Variants in POU6F1 observed in about 807,000 individuals in gnomAD.
POU6F1 encodes the protein POU domain, class 6, transcription factor 1.
Under a neutral mutation model 28.9 loss-of-function variants are expected in POU6F1, and 9 were observed. The ratio of observed to expected loss-of-function variants is 0.31; its 90% CI spans 0.19 to 0.54. The LOEUF (loss-of-function observed/expected upper bound fraction) is 0.54. POU6F1 is among the 20% of genes least tolerant of loss of function. The probability of loss-of-function intolerance (pLI) is 0.94; values close to 1 mark genes in which losing one functional copy is unlikely to be tolerated. For synonymous variants in POU6F1, 173 were observed against 171.1 expected (o/e 1.01, Z -0.09); for missense variants, 338 against 426.1 (o/e 0.79, Z 1.82).
Position 51,191,679 on chromosome 12 carries a change from G to C in POU6F1, c.1407C>G (p.Leu469=). 6.2e-7 allele frequency: 1 copy of C among 1,614,212 alleles called. No homozygotes were observed. The highest frequency in any genetic ancestry group is 8.5e-7 in the Non-Finnish European group (1 of 1,180,044). The change falls in exon 10 of 11, where the codon CTC becomes CTG. Residue 469 remains leucine (L), a synonymous_variant. Transcript: ENST00000333640. ...CCTGGGTCTGTGTAAGGCCCAGCGA[G>C]AGCCGCCGGATCTTAAAGTTCTTGG... ...EFAKNFKIRR[L]SLGLTQTQVG...
chr12:51,203,611 C>A (rs1402347154), intron 3 of POU6F1, among the ~76,000 whole-genome samples: 1 of 152,178 alleles, frequency 6.6e-6, no homozygotes, highest in East Asian at 1.9e-4. Flanking sequence ...GGAGCTGTTG[C>A]TTTTCGGAAG....
At chr12:51,193,272 T>C (rs1037827708) in intron 8 of POU6F1, among the ~76,000 whole-genome samples, 2 of 152,190 alleles carry the variant, frequency 1.3e-5, no homozygotes, top group Admixed American at 6.5e-5. Context: ...TTAACTACTC[T>C]GATGTCTGAG....
At position 51,196,827 on chromosome 12, in the gene POU6F1, C is replaced by G. The variant is rs1195659989; in HGVS notation, c.947G>C (p.Ser316Thr). ...SAIPSMPGIS[S>T]QILTNAQGQV... is the part of the protein sequence containing the mutation. ...TCCCTGAGCATTGGTGAGGATCTGACTGCTGATCCCTGGCATGCTGGGAAT... is the reference window on the plus strand; with the variant it reads ...TCCCTGAGCATTGGTGAGGATCTGAGTGCTGATCCCTGGCATGCTGGGAAT... Residue 316 changes from serine to threonine, a missense_variant, in exon 7 of 11, where the codon AGT becomes ACT. Ser to Thr is a moderately conservative substitution (Grantham distance 58). Around this residue, in one of 3 missense-constraint regions of POU6F1, gnomAD observed 206 missense variants for 225.6 expected, o/e 0.91. Coordinates refer to ENST00000333640, the MANE Select transcript of POU6F1 (RefSeq NM_001330422.2). 6.2e-7 allele frequency: 1 copy of G among 1,614,058 alleles called. No individual in the cohort carries two copies. Among genetic ancestry groups the G allele is most frequent in the Non-Finnish European group, 8.5e-7 (1 of 1,179,956 alleles).
chr12:51,192,860 G>A (rs889224813), intron 8 of POU6F1, among the ~76,000 whole-genome samples: 1 of 151,150 alleles, frequency 6.6e-6, no homozygotes, highest in East Asian at 1.9e-4. Flanking sequence ...AGCCAAGATC[G>A]CGCCACTGCA....
At chr12:51,197,054 T>C (rs1395673854) in intron 6 of POU6F1, 127 bp from the exon 7 acceptor site, 1 of 592,734 alleles carries the variant, frequency 1.7e-6, no homozygotes, top group African/African-American at 1.9e-5. Flanking sequence ...GTCTACCGGC[T>C]GGATGGTTTC....
rs1942942666 is a variant in POU6F1 at position 51,197,842 on chromosome 12, A to G, written c.774T>C (p.Pro258=). 1 of 385,040 alleles carries G rather than the reference A, an allele frequency of 2.6e-6. No homozygotes were observed. Among genetic ancestry groups the G allele is most frequent in the Non-Finnish European group, 4.6e-6 (1 of 219,058 alleles). 23.9% of individuals were successfully genotyped at this position (385,040 alleles called of 1,614,324 possible). A position where few individuals can be genotyped will look rare whatever the true frequency, so the allele number is the denominator to read the frequency against. Residue 258 remains proline, a synonymous_variant, in exon 6 of 11, where the codon CCT becomes CCC. Coordinates refer to ENST00000333640, the MANE Select transcript of POU6F1 (RefSeq NM_001330422.2). ...PQPTAATAAA[P]TPKPVDTPPQ... ...GGGGGGTGTCCACTGGCTTGGGGGTAGGGGCAGCAGCGGTGGCAGCAGTGG... is the reference window on the plus strand; with the variant it reads ...GGGGGGTGTCCACTGGCTTGGGGGTGGGGGCAGCAGCGGTGGCAGCAGTGG...
intron 3 of POU6F1, among the ~76,000 whole-genome samples, chr12:51,200,255 G>A (rs573600504): frequency 3.3e-4 from 50 of 152,280 alleles, no homozygotes; most frequent in African/African-American, 1.1e-3. Context: ...TGATGGGAGC[G>A]GCTGTCCTTG....
chr12:51,194,716 A>G (rs1290117923), intron 8 of POU6F1, among the ~76,000 whole-genome samples: 3 of 151,630 alleles, frequency 2.0e-5, no homozygotes, highest in Admixed American at 6.6e-5. Flanking sequence ...GTTCCCTACT[A>G]CCTTACCTGA....
chr12:51,213,885 G>A (rs1333408323), intron 1 of POU6F1, among the ~76,000 whole-genome samples: 1 of 150,988 alleles, frequency 6.6e-6, no homozygotes, highest in Non-Finnish European at 1.5e-5. Context: ...GCTCACACCT[G>A]TAATTCCAGC....
chr12:51,191,925 C>T (rs1942444153), intron 9 of POU6F1, among the ~76,000 whole-genome samples, 161 bp from the exon 10 acceptor site: 1 of 152,226 alleles, frequency 6.6e-6, no homozygotes, highest in Non-Finnish European at 1.5e-5. Context: ...CCAAGACAAG[C>T]AAGAGTTGAA....
chr12:51,214,267 C>G (rs1944174578), intron 1 of POU6F1, among the ~76,000 whole-genome samples: 1 of 152,168 alleles, frequency 6.6e-6, no homozygotes, highest in Non-Finnish European at 1.5e-5. Flanking sequence ...TAGCATGACT[C>G]TTACCACAAT....
In POU6F1 at chr12:51,197,383, C is replaced by A. The variant is rs1942905471; in HGVS notation, c.846+387G>T. Among the ~76,000 whole-genome samples, 5 of 152,274 alleles carry A rather than the reference C, an allele frequency of 3.3e-5. No individual in the cohort carries two copies. In the South Asian group the frequency reaches 1.0e-3, roughly 32 times the overall value. The stretch of plus-strand genomic sequence containing the variant: ...GCCACACTGGAGAGGCTGATGTGAT[C>A]CTAGTCATATCTAACGCCTCCCACT... On this transcript the variant is annotated intron_variant, in intron 6 of 10. Transcript: ENST00000333640.
At position 51,191,596 on chromosome 12, in the gene POU6F1, C is replaced by A. The variant is rs1391148608; in HGVS notation, c.1490G>T (p.Arg497Leu). ...TCCTGTCTAGGGCAGCCTTACTCAC[C>A]GGCAGATGGCTGACTGGCTGTAGGC... The part of the protein sequence containing the change: ...GPAYSQSAIC[R>L]FEKLDITPKS... Residue 497 changes from arginine (R) to leucine (L), a missense_variant and splice_region_variant, in exon 10 of 11, where the codon CGG becomes CTG. Coordinates refer to ENST00000333640, the MANE Select transcript of POU6F1 (RefSeq NM_001330422.2). 2 of 1,612,584 alleles carry A rather than the reference C, an allele frequency of 1.2e-6. No homozygotes were observed. The highest frequency in any genetic ancestry group is 8.5e-7 in the Non-Finnish European group (1 of 1,179,706).
chr12:51,212,556 A>T (rs1944063215), intron 1 of POU6F1, among the ~76,000 whole-genome samples: 1 of 149,552 alleles, frequency 6.7e-6, no homozygotes, highest in Non-Finnish European at 1.5e-5. Flanking sequence ...TGAGGCGAGT[A>T]GATCACCTGA....
chr12:51,207,128 A>C, intron 1 of POU6F1: 1 of 226,702 alleles, frequency 4.4e-6, no homozygotes, highest in Non-Finnish European at 8.5e-6. Context: ...GGTTAAACCA[A>C]TTCTCCTGCC....
intron 1 of POU6F1, among the ~76,000 whole-genome samples, chr12:51,209,001 T>C (rs1943812350): frequency 6.6e-6 from 1 of 152,192 alleles, no homozygotes; most frequent in African/African-American, 2.4e-5. Context: ...AGTGAGGAAG[T>C]GGGTCCTCAC....
intron 3 of POU6F1, among the ~76,000 whole-genome samples, chr12:51,200,898 G>C (rs1430574773): frequency 6.6e-6 from 1 of 152,052 alleles, no homozygotes; most frequent in Non-Finnish European, 1.5e-5. Flanking sequence ...TCACCATGTT[G>C]GTCAGGCTAG....
At chr12:51,209,386 T>G (rs1943837034) in intron 1 of POU6F1, among the ~76,000 whole-genome samples, 1 of 152,250 alleles carries the variant, frequency 6.6e-6, no homozygotes, top group Non-Finnish European at 1.5e-5. Flanking sequence ...AATGATAGAA[T>G]ATGTCGCTTT....
At chr12:51,200,557 G>C (rs1943141965) in intron 3 of POU6F1, among the ~76,000 whole-genome samples, 1 of 152,122 alleles carries the variant, frequency 6.6e-6, no homozygotes, top group African/African-American at 2.4e-5. Flanking sequence ...ACACGTACTG[G>C]GGTACCCCAC....
Sources: gnomAD v4.1 joint callset for allele counts (sites outside exome capture counted in the v4.1 genomes callset) on GRCh38, gnomAD v4.1.1 for gene constraint, gnomAD v4.1.1 regional missense constraint, MANE v1.5 for transcripts, NCBI Gene and HGNC (gene_info 2026-07-23, HGNC 2026-07-21) for gene names.